The following INVS variants were observed in gnomAD, a reference collection of about 807,000 sequenced individuals.
The protein encoded by INVS is inversin.
In INVS, 86 loss-of-function variants were observed where a neutral mutation model predicts 108.8. That is an observed-to-expected ratio of 0.79 (90% CI 0.66 to 0.95). The LOEUF is 0.95. Ranked by LOEUF, INVS falls within the 40% of genes least tolerant of loss-of-function variation. The pLI is 0.00. For missense variants in INVS, 1,169 were observed against 1,297.4 expected (o/e 0.90, Z 1.52); for synonymous variants, 455 against 473.5 (o/e 0.96, Z 0.51).
intron 10 of INVS, among the ~76,000 whole-genome samples, chr9:100,255,200 A>G (rs1169854153): frequency 1.3e-5 from 2 of 152,204 alleles, no homozygotes; most frequent in Non-Finnish European, 2.9e-5. Flanking sequence ...GAGTTCACTC[A>G]TGATTTGGCT....
intron 13 of INVS, among the ~76,000 whole-genome samples, chr9:100,286,895 T>C (rs1369538218): frequency 6.6e-6 from 1 of 152,254 alleles, no homozygotes; most frequent in African/African-American, 2.4e-5. Flanking sequence ...AGATCATCAC[T>C]TTTTACTGTT....
chr9:100,116,199 G>T (rs1436069794), intron 2 of INVS, among the ~76,000 whole-genome samples: 1 of 151,442 alleles, frequency 6.6e-6, no homozygotes, highest in South Asian at 2.1e-4. Flanking sequence ...CGCCTCCCGG[G>T]TTTAAGTGAT....
intron 8 of INVS, among the ~76,000 whole-genome samples, chr9:100,250,697 T>C (rs1036105480): frequency 6.6e-6 from 1 of 152,222 alleles, no homozygotes. Context: ...CACCATCATT[T>C]TTCACTCAGT....
intron 3 of INVS, among the ~76,000 whole-genome samples, chr9:100,225,189 A>G (rs551575625): frequency 6.7e-6 from 1 of 150,064 alleles, no homozygotes; most frequent in African/African-American, 2.4e-5. Flanking sequence ...TCCCGAGTAA[A>G]TGGGACTACA....
intron 12 of INVS, among the ~76,000 whole-genome samples, chr9:100,277,286 C>A (rs1833141661): frequency 6.6e-6 from 1 of 152,210 alleles, no homozygotes; most frequent in South Asian, 2.1e-4. Context: ...ACTTCCATTG[C>A]TACTGCTCAT....
At chr9:100,127,369 G>C (rs937764047) in intron 3 of INVS, among the ~76,000 whole-genome samples, 1 of 151,908 alleles carries the variant, frequency 6.6e-6, no homozygotes, top group African/African-American at 2.4e-5. Flanking sequence ...GTATTATTAA[G>C]AGCTCAGATT....
chr9:100,130,982 A>G (rs1828039505), intron 3 of INVS: 1 of 152,190 alleles, frequency 6.6e-6, no homozygotes, highest in South Asian at 2.1e-4. Context: ...ACATTCTCAT[A>G]CATTATTTAT....
intron 3 of INVS, among the ~76,000 whole-genome samples, chr9:100,152,788 TATACTC>T (rs1170633840): frequency 2.6e-5 from 4 of 152,236 alleles, no homozygotes; most frequent in African/African-American, 7.2e-5. Flanking sequence ...TTATTAGACA[TATACTC>T]ATAGTTTATC....
chr9:100,283,931 C>T (rs1272131094), intron 12 of INVS, among the ~76,000 whole-genome samples: 2 of 151,982 alleles, frequency 1.3e-5, no homozygotes, highest in African/African-American at 2.4e-5. Context: ...CTGTCATTCT[C>T]GGTAGCATTC....
intron 3 of INVS, among the ~76,000 whole-genome samples, chr9:100,215,812 G>A (rs2118337084): frequency 6.6e-6 from 1 of 152,358 alleles, no homozygotes; most frequent in African/African-American, 2.4e-5. Context: ...AGAGGTCCCT[G>A]CTGGGAAGGG....
Position 100,231,293 on chromosome 9 carries a change from AT to A in INVS, c.615+1474del, listed in dbSNP as rs528005001. ...TTGTATATGCAATGCTTAGCTCTGCATTTTTTTTGTATCTCAAATTTTCCTT... is the reference window on the plus strand; with the variant it reads ...TTGTATATGCAATGCTTAGCTCTGCATTTTTTTGTATCTCAAATTTTCCTT... On this transcript the variant is annotated intron_variant, in intron 5 of 16. Coordinates refer to ENST00000262457, the MANE Select transcript of INVS (RefSeq NM_014425.5). Among the ~76,000 whole-genome samples the A allele has an allele frequency of 4.0e-3, 613 of 151,934 alleles. 6 individuals are homozygous for A. The highest frequency in any genetic ancestry group is 0.014 in the African/African-American group (582 of 41,432).
intron 3 of INVS, among the ~76,000 whole-genome samples, chr9:100,204,195 G>C (rs1366422805): frequency 2.0e-5 from 3 of 152,108 alleles, no homozygotes; most frequent in African/African-American, 7.2e-5. Context: ...TTGGTAAATT[G>C]AATGATATAT....
intron 2 of INVS, among the ~76,000 whole-genome samples, chr9:100,106,481 G>A (rs995714447): frequency 1.1e-4 from 17 of 151,984 alleles, no homozygotes; most frequent in Admixed American, 5.9e-4. Flanking sequence ...TTTCCCTCAC[G>A]ACTGCATTAG....
At chr9:100,191,053 TTC>T (rs1830205242) in intron 3 of INVS, among the ~76,000 whole-genome samples, 1 of 151,836 alleles carries the variant, frequency 6.6e-6, no homozygotes, top group Non-Finnish European at 1.5e-5. Flanking sequence ...TAGAGATGGG[TTC>T]TCTCTATGTT....
At chr9:100,113,446 G>A (rs546878375) in intron 2 of INVS, among the ~76,000 whole-genome samples, 1 of 152,208 alleles carries the variant, frequency 6.6e-6, no homozygotes, top group Non-Finnish European at 1.5e-5. Context: ...AAGCTAGGAA[G>A]TCTTTCTGGG....
intron 6 of INVS, among the ~76,000 whole-genome samples, chr9:100,241,155 A>T (rs1359643430): frequency 2.0e-5 from 3 of 152,162 alleles, no homozygotes; most frequent in South Asian, 4.1e-4. Context: ...TCTTTTTTTT[A>T]AATGATGTTT....
At chr9:100,267,777 T>C (rs1020901386) in intron 11 of INVS, among the ~76,000 whole-genome samples, 2 of 152,218 alleles carry the variant, frequency 1.3e-5, no homozygotes, top group African/African-American at 4.8e-5. Context: ...GGGTATAGAC[T>C]TCAATCTTAA....
chr9:100,117,169 G>C (rs1588011683), intron 2 of INVS: 8 of 1,181,226 alleles, frequency 6.8e-6, no homozygotes, highest in Non-Finnish European at 8.5e-6. Flanking sequence ...TGGCCAGGAT[G>C]ATGGCCTTAC....
At chr9:100,149,668 A>T (rs1828746459) in intron 3 of INVS, among the ~76,000 whole-genome samples, 1 of 152,192 alleles carries the variant, frequency 6.6e-6, no homozygotes, top group African/African-American at 2.4e-5. Context: ...TCTGTCCTTT[A>T]ACACTTTGAT....
Sources: allele counts gnomAD v4.1 joint callset (sites outside exome capture counted in the v4.1 genomes callset), GRCh38; gene constraint gnomAD v4.1.1; transcripts MANE v1.5; gene names NCBI Gene and HGNC (gene_info 2026-07-23, HGNC 2026-07-21).